Variants in ABR observed in about 807,000 individuals in gnomAD.
ABR encodes ABR activator of RhoGEF and GTPase.
ABR carries 35 observed loss-of-function variants against 107.2 expected under a neutral mutation model. The observed-to-expected ratio is 0.33, with a 90% CI of 0.25 to 0.43. ABR has a LOEUF of 0.43. Among genes scored for constraint, ABR ranks in the 20% least tolerant of loss-of-function variants. The pLI is 1.00. For missense variants in ABR, 815 were observed against 1,115.2 expected, an observed-to-expected ratio of 0.73 and a Z score of 3.83; for synonymous variants, 498 against 462.0, an observed-to-expected ratio of 1.08 and a Z score of -1.00.
chr17:1,217,205 C>A (rs2043026822), intron 1 of ABR, among the ~76,000 whole-genome samples: 1 of 152,180 alleles, frequency 6.6e-6, no homozygotes, highest in Admixed American at 6.5e-5. Flanking sequence ...GTAATAGGAC[C>A]CCAACCCCAG....
intron 10 of ABR, among the ~76,000 whole-genome samples, chr17:1,061,651 A>G (rs1439618284): frequency 6.6e-6 from 1 of 151,876 alleles, no homozygotes; most frequent in Admixed American, 6.6e-5. Flanking sequence ...GGTTCACACA[A>G]TTCTTTTGCC....
At chr17:1,132,571 G>T (rs568529795) in intron 1 of ABR, among the ~76,000 whole-genome samples, 69 of 151,956 alleles carry the variant, frequency 4.5e-4, no homozygotes, top group African/African-American at 1.6e-3. Context: ...TAAAGACGGG[G>T]TTTCACCGTG....
chr17:1,010,733 G>A lies in ABR; in HGVS notation c.2232C>T (p.Gly744=). The A allele has an allele frequency of 6.2e-7, 1 of 1,613,566 alleles. No homozygotes were observed. Among genetic ancestry groups the A allele is most frequent in the Non-Finnish European group, 8.5e-7 (1 of 1,179,986 alleles). ...TAGGAGCCCTCAGGGCCTCACCGAT[G>A]CCCTCCATGAAGGCTGGGTAGAGTC... ...TDRLYPAFME[G]IALSDPAAKE... is the part of the protein sequence containing the mutation. The change falls in exon 20 of 23, where the codon GGC becomes GGT. Residue 744 remains glycine (G), a synonymous_variant. Coordinates refer to ENST00000302538, the MANE Select transcript of ABR (RefSeq NM_021962.5). This position sits in a 1 kb window ranked among gnomAD's most constrained non-coding sequence, Gnocchi z 4.1.
chr17:1,166,024 C>T (rs1185803276), intron 1 of ABR, among the ~76,000 whole-genome samples: 13 of 149,696 alleles, frequency 8.7e-5, no homozygotes, highest in African/African-American at 3.2e-4. Flanking sequence ...TCCCCACCTC[C>T]GCTCTCCCAG....
At chr17:1,083,262 ATTT>A (rs71148428) in intron 5 of ABR, 238 of 101,092 alleles carry the variant, frequency 2.4e-3, no homozygotes, top group African/African-American at 2.8e-3. Flanking sequence ...ACTGCCTTGG[ATTT>A]TTTTTTTTTT....
rs59810140 is a variant in ABR at position 1,151,295 on chromosome 17, C to G, written c.62-25928G>C. Among the ~76,000 whole-genome samples the G allele has an allele frequency of 5.9e-3, 906 of 152,308 alleles. 8 individuals are homozygous for G. The highest frequency in any genetic ancestry group is 0.02 in the African/African-American group (825 of 41,562). On this transcript the variant is annotated intron_variant, in intron 1 of 22. Coordinates refer to ENST00000302538, the MANE Select transcript of ABR (RefSeq NM_021962.5). ...CAGAGGCCCTGGTTCCCCTCTGGCTCTACGTCTTATTTCCCTGGACCAGTT... is the reference window on the plus strand; with the variant it reads ...CAGAGGCCCTGGTTCCCCTCTGGCTGTACGTCTTATTTCCCTGGACCAGTT...
intron 1 of ABR, among the ~76,000 whole-genome samples, chr17:1,162,162 G>C (rs2041324644): frequency 1.3e-5 from 2 of 152,202 alleles, no homozygotes; most frequent in Admixed American, 6.5e-5. Flanking sequence ...TCGTGGTGAG[G>C]ACCCAGTGAG....
At chr17:1,156,665 CAG>C (rs760404834) in intron 1 of ABR, among the ~76,000 whole-genome samples, 1 of 151,322 alleles carries the variant, frequency 6.6e-6, no homozygotes, top group African/African-American at 2.4e-5. Context: ...GCCTGGGTGA[CAG>C]AGAGAGACTC....
chr17:1,154,145 G>A lies in ABR; in HGVS notation c.61+25522C>T, dbSNP rs1027388810. On this transcript the variant is annotated intron_variant, in intron 1 of 22. Transcript: ENST00000302538. The surrounding 1 kb of genome is among the most constrained non-coding windows in gnomAD (Gnocchi z 4.0). Reference sequence around the variant, plus strand: ...GTCTAAGGGACGAGGGCCAGGAACTGAGCAGCGGGTTCACCTCCCAGGTCC... The same window carrying A: ...GTCTAAGGGACGAGGGCCAGGAACTAAGCAGCGGGTTCACCTCCCAGGTCC... 4 of 152,476 alleles carry A rather than the reference G, an allele frequency of 2.6e-5. No homozygotes were observed. The highest frequency in any genetic ancestry group is 9.6e-5 in the African/African-American group (4 of 41,454). 9.4% of individuals were successfully genotyped at this position (152,476 alleles called of 1,614,324 possible).
At chr17:1,113,617 G>A (rs1037704987) in intron 2 of ABR, among the ~76,000 whole-genome samples, 7 of 152,072 alleles carry the variant, frequency 4.6e-5, no homozygotes, top group African/African-American at 1.2e-4. Context: ...GACTTTAAAC[G>A]TCACCTCCTC....
chr17:1,204,322 G>A (rs1441128559), intron 1 of ABR, among the ~76,000 whole-genome samples: 1 of 152,188 alleles, frequency 6.6e-6, no homozygotes, highest in East Asian at 1.9e-4. Context: ...GTGCGCGCCT[G>A]TAATCCCAGC....
At chr17:1,216,183 A>G (rs190239001) in intron 1 of ABR, among the ~76,000 whole-genome samples, 102 of 152,208 alleles carry the variant, frequency 6.7e-4, no homozygotes, top group African/African-American at 2.4e-3. Flanking sequence ...AATACTAAAA[A>G]AAAAAAGAAA....
At chr17:1,083,396 G>T in intron 5 of ABR, 124 bp downstream of exon 5, 2 of 557,376 alleles carry the variant, frequency 3.6e-6, no homozygotes, top group South Asian at 2.8e-5. Context: ...CAAATATCAG[G>T]CTAAGTGTTA....
chr17:1,204,901 C>CTTTTTTTTTT (rs869034249), intron 1 of ABR, among the ~76,000 whole-genome samples: 7 of 32,118 alleles, frequency 2.2e-4, no homozygotes, highest in Non-Finnish European at 3.4e-4. Flanking sequence ...TTTTCTTTTT[C>CTTTTTTTTTT]TTTTTTTTTT....
At chr17:1,226,016 C>G (rs562301501) in intron 1 of ABR, among the ~76,000 whole-genome samples, 1 of 152,254 alleles carries the variant, frequency 6.6e-6, no homozygotes, top group South Asian at 2.1e-4. Flanking sequence ...GAAACGGAGT[C>G]CAAAAACAGA....
At chr17:1,218,705 A>C (rs1462787019) in intron 1 of ABR, among the ~76,000 whole-genome samples, 1 of 152,200 alleles carries the variant, frequency 6.6e-6, no homozygotes, top group African/African-American at 2.4e-5. Flanking sequence ...GCTGTCCCCA[A>C]ATTACAAATG....
chr17:1,210,800 C>G lies in ABR; in HGVS notation c.838+17993G>C, dbSNP rs2042887247. ...GCTTTGCTTAGACCAACCTTAGCCT[C>G]TTAAGGACATTTAGAACCGTATTTT... On this transcript the variant is annotated intron_variant, in intron 1 of 22. Transcript: ENST00000574139. This position sits in a 1 kb window ranked among gnomAD's most constrained non-coding sequence, Gnocchi z 5.6. Among the ~76,000 whole-genome samples the G allele has an allele frequency of 6.6e-6, 1 of 152,166 alleles. No homozygotes were observed. Among genetic ancestry groups the G allele is most frequent in the Middle Eastern group, 3.2e-3 (1 of 316 alleles).
chr17:1,095,766 T>TC (rs927789424), intron 3 of ABR, among the ~76,000 whole-genome samples: 4 of 152,122 alleles, frequency 2.6e-5, no homozygotes, highest in Admixed American at 1.3e-4. Flanking sequence ...GTCAGCTCTG[T>TC]CCCCCAGCGA....
intron 16 of ABR, among the ~76,000 whole-genome samples, chr17:1,013,709 C>T (rs980749141): frequency 6.6e-6 from 1 of 152,238 alleles, no homozygotes; most frequent in African/African-American, 2.4e-5. Context: ...GTTATTCCAT[C>T]TGCAACAGAA....
Sources: allele counts gnomAD v4.1 joint callset (sites outside exome capture counted in the v4.1 genomes callset), GRCh38; gene constraint gnomAD v4.1.1; non-coding constraint Gnocchi (gnomAD v3.1); transcripts MANE v1.5; gene names NCBI Gene and HGNC (gene_info 2026-07-23, HGNC 2026-07-21).